CLIC4: variants seen among roughly 807,000 people sequenced by gnomAD.
CLIC4 encodes CLIC family member 4, also known as chloride intracellular channel protein 4.
CLIC4 carries 13 observed loss-of-function variants against 24.6 expected under a neutral mutation model. That is an observed-to-expected ratio of 0.53 (90% CI 0.34 to 0.84). The LOEUF is 0.84. Ranked by LOEUF, CLIC4 falls within the 40% of genes least tolerant of loss-of-function variation. The pLI is 0.01. For synonymous variants in CLIC4, 104 were observed against 111.3 expected (o/e 0.93, Z 0.41); for missense variants, 227 against 301.7 (o/e 0.75, Z 1.83).
At chr1:24,770,358 C>T (rs1179366583) in intron 1 of CLIC4, among the ~76,000 whole-genome samples, 1 of 148,836 alleles carries the variant, frequency 6.7e-6, no homozygotes, top group Non-Finnish European at 1.5e-5. Context: ...GAGGAAATGA[C>T]TGTTGGTTCA....
In CLIC4 at chr1:24,826,257, A is replaced by G. The variant is rs564843059; in HGVS notation, c.309-753A>G. On this transcript the variant is annotated intron_variant, in intron 3 of 5. Coordinates refer to ENST00000374379, the MANE Select transcript of CLIC4 (RefSeq NM_013943.3). ...TCTCATTTTGTTGTTGTTCGGTGCT[A>G]CCCTCATAAATATTCTAGGGAATGT... Among the ~76,000 whole-genome samples the G allele has an allele frequency of 3.9e-5, 6 of 152,290 alleles. 1 individual carries two copies. The South Asian group carries it at 1.2e-3, about 32-fold the overall frequency.
rs371062485 is a variant in CLIC4 at position 24,775,547 on chromosome 1, TTTCTC to T, written c.73-22192_73-22188del. 1.6e-3 allele frequency among the ~76,000 whole-genome samples: 242 copies of T among 151,588 alleles called. 1 individual carries two copies. The highest frequency in any genetic ancestry group is 5.4e-3 in the African/African-American group (226 of 41,482). On this transcript the variant is annotated intron_variant, in intron 1 of 5. Transcript: ENST00000374379. Reference sequence around the variant, plus strand: ...TTCTCTCTCTCTTTTCTTTCTTTCTTTTCTCTTTCTTTCTCTTTCCCTCTCTTTTC... The same window carrying T: ...TTCTCTCTCTCTTTTCTTTCTTTCTTTTTCTTTCTCTTTCCCTCTCTTTTC...
At chr1:24,787,030 C>G (rs1005933528) in intron 1 of CLIC4, among the ~76,000 whole-genome samples, 3 of 152,070 alleles carry the variant, frequency 2.0e-5, no homozygotes, top group Non-Finnish European at 2.9e-5. Context: ...AAGTGATCCT[C>G]CTGCTTCAGC....
chr1:24,785,670 G>A (rs1354829547), intron 1 of CLIC4, among the ~76,000 whole-genome samples: 1 of 151,982 alleles, frequency 6.6e-6, no homozygotes, highest in East Asian at 1.9e-4. Flanking sequence ...TGGCCAATAT[G>A]GTGAAACCCC....
At chr1:24,832,053 C>T (rs933970938) in intron 4 of CLIC4, among the ~76,000 whole-genome samples, 3 of 152,148 alleles carry the variant, frequency 2.0e-5, no homozygotes, top group South Asian at 2.1e-4. Context: ...AGTGTTTCAT[C>T]GTTTCCTGGA....
At chr1:24,817,369 G>A (rs1639682344) in intron 3 of CLIC4, among the ~76,000 whole-genome samples, 1 of 152,136 alleles carries the variant, frequency 6.6e-6, no homozygotes, top group African/African-American at 2.4e-5. Flanking sequence ...GCTGCTTCAT[G>A]TTTTACTTTT....
chr1:24,799,433 G>A (rs1251804032), intron 2 of CLIC4, among the ~76,000 whole-genome samples: 1 of 150,604 alleles, frequency 6.6e-6, no homozygotes, highest in Non-Finnish European at 1.5e-5. Flanking sequence ...TCTGAGAAGT[G>A]AGGAAGCCCC....
rs555132248 is a variant in CLIC4 at position 24,839,632 on chromosome 1, T to A, written c.416-228T>A. ...GCAAGTTTTTACAAATACCACTGCC[T>A]GACATTATTATGCTTATTTATACTT... is the stretch of plus-strand genomic sequence containing the variant. On this transcript the variant is annotated intron_variant, in intron 4 of 5. Coordinates refer to ENST00000374379, the MANE Select transcript of CLIC4 (RefSeq NM_013943.3). Among the ~76,000 whole-genome samples the A allele has an allele frequency of 1.1e-4, 17 of 152,348 alleles. No homozygotes were observed. In the South Asian group the frequency reaches 3.5e-3, roughly 32 times the overall value.
chr1:24,763,879 T>C (rs1036213744), intron 1 of CLIC4, among the ~76,000 whole-genome samples: 15 of 152,246 alleles, frequency 9.9e-5, no homozygotes, highest in Non-Finnish European at 2.2e-4. Flanking sequence ...GTATGTCTTA[T>C]CTTTGCTATA....
At chr1:24,798,730 C>T (rs958743928) in intron 2 of CLIC4, among the ~76,000 whole-genome samples, 18 of 152,228 alleles carry the variant, frequency 1.2e-4, no homozygotes, top group African/African-American at 4.1e-4. Flanking sequence ...GTACTGCCGC[C>T]ATCTCGGCTC....
At chr1:24,772,773 A>G (rs1639085990) in intron 1 of CLIC4, among the ~76,000 whole-genome samples, 1 of 152,192 alleles carries the variant, frequency 6.6e-6, no homozygotes, top group South Asian at 2.1e-4. Flanking sequence ...TGTGAGCCAC[A>G]GCGCCCGGCT....
chr1:24,764,864 G>A (rs1453819336), intron 1 of CLIC4, among the ~76,000 whole-genome samples: 1 of 151,858 alleles, frequency 6.6e-6, no homozygotes, highest in Non-Finnish European at 1.5e-5. Flanking sequence ...GTTGTTGTTG[G>A]TTTTTTGGTA....
intron 1 of CLIC4, among the ~76,000 whole-genome samples, chr1:24,782,096 C>G (rs1397950134): frequency 6.6e-6 from 1 of 152,148 alleles, no homozygotes; most frequent in Non-Finnish European, 1.5e-5. Flanking sequence ...GAAGGTGAAT[C>G]ATCTCTCCCA....
At chr1:24,839,455 A>T (rs1285033251) in intron 4 of CLIC4, among the ~76,000 whole-genome samples, 4 of 151,854 alleles carry the variant, frequency 2.6e-5, no homozygotes. Flanking sequence ...GCCCGCCACC[A>T]CGCCCGGCTA....
rs1048056801 is a variant in CLIC4 at position 24,829,701 on chromosome 1, T to A, written c.415+2585T>A. 3.9e-5 allele frequency among the ~76,000 whole-genome samples: 6 copies of A among 152,320 alleles called. No individual in the cohort carries two copies. In the East Asian group the frequency reaches 5.8e-4, roughly 15 times the overall value. On this transcript the variant is annotated intron_variant, in intron 4 of 5. Transcript: ENST00000374379. ...ATGTACTCTGAGGCATATTTCATGA[T>A]GTCCAAATTCCTATATTTAGATGGA... is the stretch of plus-strand genomic sequence containing the variant.
intron 1 of CLIC4, among the ~76,000 whole-genome samples, chr1:24,762,140 G>T (rs1557795973): frequency 3.3e-5 from 5 of 152,174 alleles, no homozygotes. Context: ...GTATGAGGCT[G>T]GATGTGGTAG....
intron 1 of CLIC4, among the ~76,000 whole-genome samples, chr1:24,758,965 A>G (rs1435925777): frequency 6.6e-6 from 1 of 152,138 alleles, no homozygotes; most frequent in Non-Finnish European, 1.5e-5. Flanking sequence ...AAGAAAATTT[A>G]TTTAGGTTTT....
chr1:24,778,483 C>G (rs1639167123), intron 1 of CLIC4, among the ~76,000 whole-genome samples: 1 of 152,114 alleles, frequency 6.6e-6, no homozygotes, highest in Non-Finnish European at 1.5e-5. Context: ...GGAATATAAT[C>G]AAGGTAGATC....
intron 1 of CLIC4, among the ~76,000 whole-genome samples, chr1:24,763,011 T>C (rs990734169): frequency 2.0e-4 from 31 of 152,212 alleles, no homozygotes; most frequent in African/African-American, 7.0e-4. Context: ...CCTATTCCAC[T>C]AGGTCCCCCT....
Sources: allele counts gnomAD v4.1 joint callset (sites outside exome capture counted in the v4.1 genomes callset), GRCh38; gene constraint gnomAD v4.1.1; transcripts MANE v1.5; gene names NCBI Gene and HGNC (gene_info 2026-07-23, HGNC 2026-07-21).